Variants in PRKCH observed in about 807,000 individuals in gnomAD.
The protein encoded by PRKCH is protein kinase C eta, also known as protein kinase C eta type.
A neutral mutation model predicts 82.5 loss-of-function variants in PRKCH; 28 were observed. The ratio of observed to expected loss-of-function variants is 0.34; its 90% CI spans 0.25 to 0.47. The LOEUF is 0.47. Ranked by LOEUF, PRKCH falls within the 20% of genes least tolerant of loss-of-function variation. PRKCH has a pLI of 1.00. For synonymous variants in PRKCH, 322 were observed against 327.4 expected (o/e 0.98, Z 0.18); for missense variants, 705 against 881.8 (o/e 0.80, Z 2.54).
chr14:61,230,494 A>G (rs1237276848), intron 1 of PRKCH, among the ~76,000 whole-genome samples: 9 of 152,216 alleles, frequency 5.9e-5, no homozygotes, highest in Admixed American at 5.9e-4. Context: ...CAAATGCAAT[A>G]ATACCTGAAA....
chr14:61,312,771 C>T lies in PRKCH; in HGVS notation c.-19+125103C>T, dbSNP rs566485694. On this transcript the variant is annotated intron_variant, in intron 1 of 3. Coordinates refer to the PRKCH transcript ENST00000555185. ...CATGGGAAAACCTTCCCCCATGATT[C>T]GATTACCTCCCACTGGCTCCCTCCA... 4.6e-5 allele frequency among the ~76,000 whole-genome samples: 7 copies of T among 152,136 alleles called. No homozygotes were observed. The East Asian group carries it at 7.7e-4, about 17-fold the overall frequency.
At chr14:61,301,043 C>T (rs938228605) in intron 1 of PRKCH, among the ~76,000 whole-genome samples, 4 of 152,150 alleles carry the variant, frequency 2.6e-5, no homozygotes, top group East Asian at 1.9e-4. Flanking sequence ...ACCATGGGAC[C>T]GGAAGACCCA....
intron 1 of PRKCH, among the ~76,000 whole-genome samples, chr14:61,361,880 A>G (rs1397969201): frequency 6.6e-6 from 1 of 152,228 alleles, no homozygotes; most frequent in Non-Finnish European, 1.5e-5. Flanking sequence ...TACCATGCAT[A>G]TCTACTTAGT....
chr14:61,402,253 A>G (rs1881665365), intron 2 of PRKCH, among the ~76,000 whole-genome samples: 2 of 152,236 alleles, frequency 1.3e-5, no homozygotes, highest in African/African-American at 4.8e-5. Flanking sequence ...ATCTCTTGAA[A>G]GCGTAAGGTA....
At chr14:61,380,967 G>A (rs1442067361) in intron 1 of PRKCH, among the ~76,000 whole-genome samples, 1 of 152,126 alleles carries the variant, frequency 6.6e-6, no homozygotes, top group Non-Finnish European at 1.5e-5. Flanking sequence ...TAAATTTATA[G>A]CAACCATGTG....
At chr14:61,530,276 C>A in intron 11 of PRKCH, 131 bp from the exon 12 acceptor site, 1 of 998,056 alleles carries the variant, frequency 1.0e-6, no homozygotes, top group Non-Finnish European at 1.4e-6. Flanking sequence ...GAATGAAATA[C>A]GCTTGCTAGC....
chr14:61,358,745 C>T lies in PRKCH; in HGVS notation c.364-32480C>T, dbSNP rs114578733. On this transcript the variant is annotated intron_variant, in intron 1 of 13. Transcript: ENST00000332981. ...TGGCCCTTGGTGGCATTCTAGCCTC[C>T]CTTTTACCACTTCCTGATTCCGGCT... is the stretch of plus-strand genomic sequence containing the variant. 8.0e-3 allele frequency among the ~76,000 whole-genome samples: 1,224 copies of T among 152,276 alleles called. 18 individuals carry two copies. Among genetic ancestry groups the T allele is most frequent in the African/African-American group, 0.027 (1,128 of 41,556 alleles).
intron 1 of PRKCH, among the ~76,000 whole-genome samples, chr14:61,294,067 A>G (rs2045386673): frequency 6.6e-6 from 1 of 152,106 alleles, no homozygotes; most frequent in African/African-American, 2.4e-5. Context: ...ACTCCCAGAG[A>G]TGTGGGATTT....
At chr14:61,495,387 C>T (rs949886555) in intron 10 of PRKCH, among the ~76,000 whole-genome samples, 1 of 152,192 alleles carries the variant, frequency 6.6e-6, no homozygotes, top group African/African-American at 2.4e-5. Context: ...GAAACCAGGC[C>T]ACCAGTTTTG....
intron 11 of PRKCH, among the ~76,000 whole-genome samples, chr14:61,529,993 A>G (rs1260923307): frequency 2.6e-5 from 4 of 152,174 alleles, no homozygotes; most frequent in Non-Finnish European, 1.5e-5. Flanking sequence ...ATTCATGGCT[A>G]TTTATTTTCC....
chr14:61,437,931 TA>T lies in PRKCH; in HGVS notation c.428-5169del, dbSNP rs78466651. On this transcript the variant is annotated intron_variant, in intron 2 of 13. Coordinates refer to ENST00000332981, the MANE Select transcript of PRKCH (RefSeq NM_006255.5). ...AGCAACACAGCAAGACCCTGTCTCTTAAAAAAAAAAATCCTTTCTATTCCTA... is the reference window on the plus strand; with the variant it reads ...AGCAACACAGCAAGACCCTGTCTCTTAAAAAAAAAATCCTTTCTATTCCTA... Among the ~76,000 whole-genome samples, 147 of 147,776 alleles carry T rather than the reference TA, an allele frequency of 9.9e-4. 2 individuals are homozygous for T. The East Asian group carries it at 0.018, about 18-fold the overall frequency.
At chr14:61,497,886 G>A (rs1886738739) in intron 10 of PRKCH, among the ~76,000 whole-genome samples, 2 of 152,080 alleles carry the variant, frequency 1.3e-5, no homozygotes. Flanking sequence ...AATTACAGGA[G>A]GATAAACACC....
At chr14:61,452,861 T>G in intron 6 of PRKCH, 1 of 240,626 alleles carries the variant, frequency 4.2e-6, no homozygotes, top group East Asian at 1.3e-4. Context: ...GTTGACATGA[T>G]TCTTTGTTAT....
intron 13 of PRKCH, 37 bp from the exon 14 acceptor site, chr14:61,549,648 A>G (rs2043301672): frequency 6.2e-7 from 1 of 1,604,304 alleles, no homozygotes; most frequent in African/African-American, 1.3e-5. Flanking sequence ...CCTCAAGCGC[A>G]AAAATCTCAC....
At chr14:61,193,030 A>T (rs1400418491) in intron 1 of PRKCH, among the ~76,000 whole-genome samples, 1 of 152,158 alleles carries the variant, frequency 6.6e-6, no homozygotes, top group Non-Finnish European at 1.5e-5. Flanking sequence ...TTCTGTTAAG[A>T]GGGAGTATTT....
chr14:61,274,354 G>A, intron 1 of PRKCH, among the ~76,000 whole-genome samples: 1 of 152,202 alleles, frequency 6.6e-6, no homozygotes, highest in East Asian at 1.9e-4. Flanking sequence ...GTCCTGCTGA[G>A]TTTACTTTCT....
Position 61,280,394 on chromosome 14 carries a change from C to G in PRKCH, c.-19+92726C>G. The stretch of plus-strand genomic sequence containing the variant: ...GGCAGCGCCGCCGTGCGCATCCACA[C>G]CACGAAGTCCTGATTGATGAAGCCG... On this transcript the variant is annotated intron_variant, in intron 1 of 3. Coordinates refer to the PRKCH transcript ENST00000555185. The surrounding 1 kb of genome is among the most constrained non-coding windows in gnomAD (Gnocchi z 5.0). 1 of 1,614,030 alleles carries G rather than the reference C, an allele frequency of 6.2e-7. No individual in the cohort carries two copies. Among genetic ancestry groups the G allele is most frequent in the Non-Finnish European group, 8.5e-7 (1 of 1,179,906 alleles).
chr14:61,413,071 T>G (rs1164243239), intron 2 of PRKCH, among the ~76,000 whole-genome samples: 1 of 152,142 alleles, frequency 6.6e-6, no homozygotes, highest in African/African-American at 2.4e-5. Context: ...CACCTGATCA[T>G]AGTATCCTCA....
rs370233717 is a variant in PRKCH, at chr14:61,529,232, T to C, written c.1572+19T>C. On this transcript the variant is annotated intron_variant, in intron 11 of 13. Coordinates refer to ENST00000332981, the MANE Select transcript of PRKCH (RefSeq NM_006255.5). The stretch of plus-strand genomic sequence containing the variant: ...TCCAGAGGTGAGTGCAGCTGCTTGA[T>C]GCAGCTCTGAAATCTGAGCTCTCCA... 3.1e-6 allele frequency: 5 copies of C among 1,594,988 alleles called. No homozygotes were observed. The African/African-American group carries it at 5.4e-5, about 17-fold the overall frequency.
Sources: gnomAD v4.1 joint callset for allele counts (sites outside exome capture counted in the v4.1 genomes callset) on GRCh38, gnomAD v4.1.1 for gene constraint, Gnocchi (gnomAD v3.1) non-coding constraint, MANE v1.5 for transcripts, NCBI Gene and HGNC (gene_info 2026-07-23, HGNC 2026-07-21) for gene names.